Variants in DSCAML1 observed in about 807,000 individuals in gnomAD.
The protein encoded by DSCAML1 is DS cell adhesion molecule like 1, also known as cell adhesion molecule DSCAML1.
In DSCAML1, 38 loss-of-function variants were observed where a neutral mutation model predicts 200.5. The ratio of observed to expected loss-of-function variants is 0.19; its 90% CI spans 0.15 to 0.25. The LOEUF (loss-of-function observed/expected upper bound fraction) is 0.25. Ranked by LOEUF, DSCAML1 falls within the 10% of genes least tolerant of loss-of-function variation. The probability of loss-of-function intolerance (pLI) is 1.00; values close to 1 mark genes in which losing one functional copy is unlikely to be tolerated. For synonymous variants in DSCAML1, 1,215 were observed against 1,165.0 expected (o/e 1.04, Z -0.87); for missense variants, 2,223 against 2,858.8 (o/e 0.78, Z 5.07).
intron 2 of DSCAML1, among the ~76,000 whole-genome samples, chr11:117,779,150 C>A (rs889198311): frequency 1.3e-5 from 2 of 152,150 alleles, no homozygotes; most frequent in Non-Finnish European, 2.9e-5. Context: ...CAACACAGTC[C>A]CTGGAAAAGA....
At chr11:117,430,245 G>T (rs778599938) in intron 32 of DSCAML1, among the ~76,000 whole-genome samples, 1 of 152,236 alleles carries the variant, frequency 6.6e-6, no homozygotes, top group Non-Finnish European at 1.5e-5. Flanking sequence ...GGTGGGTGGA[G>T]CTGCCAGGAT....
rs1033855319 is a variant in DSCAML1, at chr11:117,427,779, A to G, written c.*549T>C. ...GGGAAAAAAGCCACCACATAGAAAC[A>G]TAACCTTTATTGCACACGGCGCTGG... On this transcript the variant is annotated 3_prime_UTR_variant, in exon 33 of 33. Coordinates refer to ENST00000651296, the MANE Select transcript of DSCAML1 (RefSeq NM_020693.4). The G allele has an allele frequency of 4.6e-5, 7 of 152,712 alleles. No individual in the cohort carries two copies. Among genetic ancestry groups the G allele is most frequent in the African/African-American group, 1.4e-4 (6 of 41,468 alleles). The allele number at this position is 152,712 out of a possible 1,614,324, so 9.5% of individuals were successfully genotyped here. A position where few individuals can be genotyped will look rare whatever the true frequency, so the allele number is the denominator to read the frequency against.
chr11:117,539,556 T>C (rs1763945585), intron 3 of DSCAML1, among the ~76,000 whole-genome samples: 1 of 133,626 alleles, frequency 7.5e-6, no homozygotes, highest in Non-Finnish European at 1.5e-5. Flanking sequence ...TGCAGAGAGC[T>C]GAGATCACGC....
At chr11:117,678,401 T>G (rs2053255634) in intron 3 of DSCAML1, among the ~76,000 whole-genome samples, 1 of 152,226 alleles carries the variant, frequency 6.6e-6, no homozygotes, top group Admixed American at 6.5e-5. Context: ...TTTTAGGACA[T>G]GAGGATATGG....
rs2055229003 is a variant in DSCAML1, at chr11:117,780,306, GA to G, written c.364+186del. Reference sequence around the variant, plus strand: ...AAAGAAAGAAAGAAAGAAAGAAAGAGAGAAAGGAGAAAGAAAGGTGTCTCTT... The same window carrying G: ...AAAGAAAGAAAGAAAGAAAGAAAGAGGAAAGGAGAAAGAAAGGTGTCTCTT... On this transcript the variant is annotated intron_variant, in intron 2 of 32. Coordinates refer to ENST00000651296, the MANE Select transcript of DSCAML1 (RefSeq NM_020693.4). This position sits in a 1 kb window ranked among gnomAD's most constrained non-coding sequence, Gnocchi z 4.8. Among the ~76,000 whole-genome samples the G allele has an allele frequency of 2.0e-5, 2 of 99,268 alleles. No homozygotes were observed. Among genetic ancestry groups the G allele is most frequent in the East Asian group, 3.5e-4 (1 of 2,890 alleles). 65.1% of individuals were successfully genotyped at this position (99,268 alleles called of 152,430 possible). A position where few individuals can be genotyped will look rare whatever the true frequency, so the allele number is the denominator to read the frequency against.
At chr11:117,543,054 AGTAGGTGGGTGG>A (rs2050301634) in intron 3 of DSCAML1, among the ~76,000 whole-genome samples, 1 of 152,316 alleles carries the variant, frequency 6.6e-6, no homozygotes, top group East Asian at 1.9e-4. Context: ...CCAGGGCCAC[AGTAGGTGGGTGG>A]GCAAATGGTG....
chr11:117,573,519 T>C (rs544018880), intron 3 of DSCAML1, among the ~76,000 whole-genome samples: 1 of 152,296 alleles, frequency 6.6e-6, no homozygotes, highest in Admixed American at 6.5e-5. Context: ...CACCCTCTGC[T>C]TCAGCCCCAG....
intron 3 of DSCAML1, among the ~76,000 whole-genome samples, chr11:117,634,115 C>T (rs1434846804): frequency 3.9e-5 from 6 of 152,284 alleles, no homozygotes; most frequent in South Asian, 2.1e-4. Flanking sequence ...CAGAGGCTCC[C>T]GACCCAGGGC....
intron 1 of DSCAML1, among the ~76,000 whole-genome samples, chr11:117,812,549 C>G (rs573863488): frequency 6.6e-6 from 1 of 152,072 alleles, no homozygotes; most frequent in South Asian, 2.1e-4. Flanking sequence ...CCTTTGCACC[C>G]GTCATCCCAG....
At chr11:117,451,888 T>C (rs976231462) in intron 19 of DSCAML1, among the ~76,000 whole-genome samples, 1 of 152,228 alleles carries the variant, frequency 6.6e-6, no homozygotes, top group African/African-American at 2.4e-5. Flanking sequence ...GTAACGATTA[T>C]TATTTTTGCA....
chr11:117,469,067 G>A lies in DSCAML1; in HGVS notation c.3024+843C>T, dbSNP rs1479609739. ...AGTGGCTGTGGAGGGAAGAGTGGCT[G>A]GGGCTGCAGACTCTGTGTTGCAGTC... On this transcript the variant is annotated intron_variant, in intron 16 of 32. Transcript: ENST00000651296. The surrounding 1 kb of genome is among the most constrained non-coding windows in gnomAD (Gnocchi z 4.1). 7.2e-5 allele frequency among the ~76,000 whole-genome samples: 11 copies of A among 152,184 alleles called. No homozygotes were observed. The highest frequency in any genetic ancestry group is 1.5e-4 in the Non-Finnish European group (10 of 68,018).
chr11:117,574,424 G>T (rs970471815), intron 3 of DSCAML1, among the ~76,000 whole-genome samples: 4 of 152,204 alleles, frequency 2.6e-5, no homozygotes, highest in African/African-American at 9.6e-5. Flanking sequence ...AGCTGTCATG[G>T]TTTGGACTGT....
chr11:117,681,226 T>G (rs1294775058), intron 3 of DSCAML1, among the ~76,000 whole-genome samples: 1 of 152,192 alleles, frequency 6.6e-6, no homozygotes, highest in East Asian at 1.9e-4. Flanking sequence ...ACAAGGCTTT[T>G]GGGGCTTGCC....
chr11:117,533,601 T>C (rs1003294258), intron 3 of DSCAML1, among the ~76,000 whole-genome samples: 1 of 152,232 alleles, frequency 6.6e-6, no homozygotes, highest in African/African-American at 2.4e-5. Context: ...CTCCTGCCAC[T>C]GCCACAGCCA....
chr11:117,760,525 G>A (rs564479883), intron 3 of DSCAML1, among the ~76,000 whole-genome samples: 3 of 152,184 alleles, frequency 2.0e-5, no homozygotes, highest in African/African-American at 4.8e-5. Context: ...CAATCGACAC[G>A]TCCACACTGA....
intron 20 of DSCAML1, among the ~76,000 whole-genome samples, chr11:117,445,546 A>G (rs1419933064): frequency 6.6e-6 from 1 of 152,236 alleles, no homozygotes; most frequent in Non-Finnish European, 1.5e-5. Context: ...CTTGCAAACT[A>G]GGGAAGCAAT....
intron 7 of DSCAML1, among the ~76,000 whole-genome samples, chr11:117,517,657 C>A (rs73587112): frequency 1.1e-4 from 17 of 152,236 alleles, no homozygotes; most frequent in Admixed American, 1.1e-3. Context: ...CCTACCCCCA[C>A]GGCAACCAGG....
chr11:117,533,927 C>T (rs2050123590), intron 3 of DSCAML1, among the ~76,000 whole-genome samples: 1 of 152,176 alleles, frequency 6.6e-6, no homozygotes, highest in African/African-American at 2.4e-5. Flanking sequence ...ATTTCCCAGG[C>T]AGACCCGGAG....
At chr11:117,600,868 TGGA>T (rs1183814308) in intron 3 of DSCAML1, among the ~76,000 whole-genome samples, 2 of 152,054 alleles carry the variant, frequency 1.3e-5, no homozygotes, top group African/African-American at 2.4e-5. Flanking sequence ...AGGCCAGAGC[TGGA>T]GGAGAAGGAG....
Sources: allele counts gnomAD v4.1 joint callset (sites outside exome capture counted in the v4.1 genomes callset), GRCh38; gene constraint gnomAD v4.1.1; non-coding constraint Gnocchi (gnomAD v3.1); transcripts MANE v1.5; gene names NCBI Gene and HGNC (gene_info 2026-07-23, HGNC 2026-07-21).